COX7A2L: variants seen among roughly 807,000 people sequenced by gnomAD.
COX7A2L encodes cytochrome c oxidase subunit 7A2-like, mitochondrial.
In COX7A2L, 18 loss-of-function variants were observed where a neutral mutation model predicts 14.2. The observed-to-expected ratio is 1.27, with a 90% CI of 0.88 to 1.88. COX7A2L has a LOEUF of 1.88. Among genes scored for constraint, COX7A2L ranks in the 40% most tolerant of loss-of-function variants. COX7A2L has a pLI of 0.00. For synonymous variants in COX7A2L, 65 were observed against 57.4 expected, an observed-to-expected ratio of 1.13 and a Z score of -0.60; for missense variants, 179 against 138.8, an observed-to-expected ratio of 1.29 and a Z score of -1.46.
At chr2:42,354,333 T>C (rs1358367659) in intron 1 of COX7A2L, among the ~76,000 whole-genome samples, 1 of 152,048 alleles carries the variant, frequency 6.6e-6, no homozygotes, top group East Asian at 1.9e-4. Flanking sequence ...CAGTGACAAA[T>C]ATATAGAGTA....
chr2:42,361,198 C>G lies in COX7A2L; in HGVS notation c.-37G>C, dbSNP rs374152961. 6.4e-7 allele frequency: 1 copy of G among 1,567,280 alleles called. No homozygotes were observed. Among genetic ancestry groups the G allele is most frequent in the East Asian group, 2.3e-5 (1 of 43,410 alleles). The stretch of plus-strand genomic sequence containing the variant: ...TCCGGCTTCCCGCATCCGCTGCCAA[C>G]GCGACCGCCCCAGAGAAGGACCCCG... On this transcript the variant is annotated 5_prime_UTR_variant, in exon 1 of 3. Coordinates refer to ENST00000234301, the MANE Select transcript of COX7A2L (RefSeq NM_004718.4).
At chr2:42,336,831 G>C (rs1231685651) in intron 2 of COX7A2L, among the ~76,000 whole-genome samples, 2 of 151,002 alleles carry the variant, frequency 1.3e-5, no homozygotes, top group Non-Finnish European at 3.0e-5. Context: ...ATCCTGGGGA[G>C]TTTATGTGGG....
intron 1 of COX7A2L, among the ~76,000 whole-genome samples, chr2:42,354,072 T>C (rs573131152): frequency 6.6e-6 from 1 of 152,092 alleles, no homozygotes; most frequent in African/African-American, 2.4e-5. Flanking sequence ...TAATGGTTGC[T>C]TCAGGTGGGG....
chr2:42,351,290 C>T lies in COX7A2L; in HGVS notation c.274G>A (p.Ala92Thr), dbSNP rs1572791082. 1 of 1,614,164 alleles carries T rather than the reference C, an allele frequency of 6.2e-7. No individual in the cohort carries two copies. The highest frequency in any genetic ancestry group is 8.5e-7 in the Non-Finnish European group (1 of 1,180,028). Residue 92 changes from alanine to threonine, a missense_variant, in exon 3 of 3, where the codon GCG becomes ACG. Coordinates refer to ENST00000234301, the MANE Select transcript of COX7A2L (RefSeq NM_004718.4). ...PDQMLYRTTM[A>T]LTVGGTIYCL... Reference sequence around the variant, plus strand: ...TAGATGGTCCCTCCCACAGTCAGCGCCATGGTGGTCCGGTAAAGCATTTGG... The same window carrying T: ...TAGATGGTCCCTCCCACAGTCAGCGTCATGGTGGTCCGGTAAAGCATTTGG...
rs1455237873 is a variant in COX7A2L, at chr2:42,350,467, T to C, written c.*752A>G. ...GATGCTGCTGGTGTTCTGAAATTAC[T>C]CTGAAAGGTCATTCAAAGAACTTCA... On this transcript the variant is annotated 3_prime_UTR_variant, in exon 3 of 3. Transcript: ENST00000234301. 1.3e-5 allele frequency: 2 copies of C among 152,214 alleles called. No homozygotes were observed. The highest frequency in any genetic ancestry group is 4.8e-5 in the African/African-American group (2 of 41,424). 9.4% of individuals were successfully genotyped at this position (152,214 alleles called of 1,614,324 possible).
intron 2 of COX7A2L, among the ~76,000 whole-genome samples, chr2:42,351,702 G>T (rs908687213): frequency 8.5e-5 from 13 of 152,192 alleles, no homozygotes; most frequent in Non-Finnish European, 1.5e-5. Flanking sequence ...GGCTGGGCGC[G>T]GTGGCTCACA....
In COX7A2L at chr2:42,338,569, A is replaced by G. The variant is rs555099173; in HGVS notation, c.193-4700T>C. On this transcript the variant is annotated intron_variant, in intron 2 of 2. Transcript: ENST00000468711. This position sits in a 1 kb window ranked among gnomAD's most constrained non-coding sequence, Gnocchi z 4.4. ...AGGCTTGGACATTTCCATGGAGAAG[A>G]TGATTAATTATGAACCAAGAATCCC... 7.9e-5 allele frequency among the ~76,000 whole-genome samples: 12 copies of G among 152,302 alleles called. No individual in the cohort carries two copies. The South Asian group carries it at 2.5e-3, about 32-fold the overall frequency.
At chr2:42,341,205 T>C (rs760478776) in intron 2 of COX7A2L, among the ~76,000 whole-genome samples, 3 of 152,116 alleles carry the variant, frequency 2.0e-5, no homozygotes, top group Non-Finnish European at 4.4e-5. Context: ...GACAGGAGCG[T>C]GGAATGCTGG....
intron 1 of COX7A2L, among the ~76,000 whole-genome samples, chr2:42,367,224 G>A (rs898250164): frequency 2.0e-5 from 3 of 152,158 alleles, no homozygotes; most frequent in Non-Finnish European, 4.4e-5. Context: ...ACTAACCTGG[G>A]TCTGGATCCC....
upstream of COX7A2L, among the ~76,000 whole-genome samples, chr2:42,363,087 G>C (rs1005366158): frequency 5.3e-5 from 8 of 151,866 alleles, no homozygotes; most frequent in African/African-American, 1.9e-4. Flanking sequence ...TGTTTCCCAG[G>C]CTAGTCTCAA....
chr2:42,356,412 C>A (rs933526465), intron 1 of COX7A2L, among the ~76,000 whole-genome samples: 1 of 152,222 alleles, frequency 6.6e-6, no homozygotes, highest in African/African-American at 2.4e-5. Context: ...GATTTTGGCA[C>A]ATCTTGTTCA....
In COX7A2L at chr2:42,338,592, C is replaced by A. The variant is rs935793980; in HGVS notation, c.193-4723G>T. On this transcript the variant is annotated intron_variant, in intron 2 of 2. Transcript: ENST00000468711. The surrounding 1 kb of genome is among the most constrained non-coding windows in gnomAD (Gnocchi z 4.4). ...AGATGATTAATTATGAACCAAGAAT[C>A]CCCCCGATAGGACTCAGCCCCCACC... 6.6e-6 allele frequency among the ~76,000 whole-genome samples: 1 copy of A among 152,082 alleles called. No homozygotes were observed. Among genetic ancestry groups the A allele is most frequent in the Admixed American group, 6.5e-5 (1 of 15,270 alleles).
chr2:42,359,816 C>T (rs1177995429), intron 1 of COX7A2L: 1 of 150,870 alleles, frequency 6.6e-6, no homozygotes, highest in African/African-American at 2.4e-5. Flanking sequence ...TCTTCCTTCC[C>T]GTTCCCACCG....
At chr2:42,366,850 C>G (rs1247542024) in intron 1 of COX7A2L, among the ~76,000 whole-genome samples, 3 of 152,144 alleles carry the variant, frequency 2.0e-5, no homozygotes, top group Non-Finnish European at 2.9e-5. Context: ...CCTCTTCAGC[C>G]TCCCTTCCCC....
chr2:42,363,944 T>C (rs992844456), upstream of COX7A2L, among the ~76,000 whole-genome samples: 3 of 152,154 alleles, frequency 2.0e-5, no homozygotes, highest in African/African-American at 7.2e-5. Context: ...CAGGCCGCTC[T>C]GTGAAAGCGC....
At chr2:42,362,225 G>T (rs1671074332), upstream of COX7A2L, among the ~76,000 whole-genome samples, 1 of 152,186 alleles carries the variant, frequency 6.6e-6, no homozygotes, top group Non-Finnish European at 1.5e-5. Flanking sequence ...ATTTAAATAT[G>T]TCTGTTAAGC....
At chr2:42,362,645 G>A (rs74411690), upstream of COX7A2L, among the ~76,000 whole-genome samples, 1,477 of 152,198 alleles carry the variant, frequency 9.7e-3, 21 homozygotes, top group African/African-American at 0.034. Context: ...AGCATTCCAG[G>A]GTGAGGGTGT....
At chr2:42,352,853 A>C (rs1670690773) in intron 2 of COX7A2L, 1 of 279,502 alleles carries the variant, frequency 3.6e-6, no homozygotes, top group African/African-American at 2.2e-5. Flanking sequence ...ACCCACTGCC[A>C]AGTCATTACA....
downstream of COX7A2L, among the ~76,000 whole-genome samples, chr2:42,348,570 G>C (rs569665117): frequency 4.3e-4 from 65 of 152,214 alleles, 1 homozygote; most frequent in Middle Eastern, 3.4e-3. Context: ...TCTTCAAATA[G>C]GTCACTATCA....
Sources: gnomAD v4.1 joint callset for allele counts (sites outside exome capture counted in the v4.1 genomes callset) on GRCh38, gnomAD v4.1.1 for gene constraint, Gnocchi (gnomAD v3.1) non-coding constraint, MANE v1.5 for transcripts, NCBI Gene and HGNC (gene_info 2026-07-23, HGNC 2026-07-21) for gene names.